The following SORCS1 variants were observed in gnomAD, a reference collection of about 807,000 sequenced individuals.
The protein encoded by SORCS1 is sortilin related VPS10 domain containing receptor 1.
Under a neutral mutation model 146.1 loss-of-function variants are expected in SORCS1, and 60 were observed. The observed-to-expected ratio is 0.41, with a 90% CI of 0.33 to 0.51. The LOEUF (loss-of-function observed/expected upper bound fraction) is 0.51. Among genes scored for constraint, SORCS1 ranks in the 20% least tolerant of loss-of-function variants. The pLI is 0.21. For synonymous variants in SORCS1, 637 were observed against 584.0 expected (o/e 1.09, Z -1.31); for missense variants, 1,352 against 1,487.6 (o/e 0.91, Z 1.50).
chr10:106,976,418 G>T (rs1369889934), intron 1 of SORCS1, among the ~76,000 whole-genome samples: 1 of 142,662 alleles, frequency 7.0e-6, no homozygotes, highest in African/African-American at 2.6e-5. Context: ...TGCAAGCTCC[G>T]CCTCCCGGGT....
chr10:106,685,875 A>G (rs1187511874), intron 10 of SORCS1, among the ~76,000 whole-genome samples: 1 of 152,220 alleles, frequency 6.6e-6, no homozygotes, highest in African/African-American at 2.4e-5. Context: ...TTTACACACA[A>G]TTTTAAAAAA....
intron 1 of SORCS1, among the ~76,000 whole-genome samples, chr10:107,018,331 C>G (rs370663782): frequency 5.3e-4 from 80 of 152,174 alleles, no homozygotes; most frequent in African/African-American, 1.9e-3. Context: ...CCCGCCACCA[C>G]GCCTGGCTAA....
chr10:106,793,099 C>T (rs1052155240), intron 3 of SORCS1, among the ~76,000 whole-genome samples: 2 of 152,082 alleles, frequency 1.3e-5, no homozygotes, highest in East Asian at 3.9e-4. Context: ...GATAACACCA[C>T]AAAAATAACA....
intron 2 of SORCS1, among the ~76,000 whole-genome samples, chr10:106,920,625 T>C (rs1952667275): frequency 1.3e-5 from 2 of 152,206 alleles, no homozygotes; most frequent in Non-Finnish European, 2.9e-5. Flanking sequence ...TAATGGAGTT[T>C]CTTGACTCAA....
intron 9 of SORCS1, among the ~76,000 whole-genome samples, chr10:106,695,766 G>C (rs1489913036): frequency 1.3e-5 from 2 of 152,006 alleles, no homozygotes; most frequent in East Asian, 3.9e-4. Flanking sequence ...AACTTTCCTG[G>C]CTCTCATTTC....
intron 1 of SORCS1, among the ~76,000 whole-genome samples, chr10:107,087,759 T>C (rs1321490031): frequency 1.3e-5 from 2 of 152,206 alleles, no homozygotes; most frequent in African/African-American, 2.4e-5. Flanking sequence ...GTGGCAAAGA[T>C]GGAATTAATA....
At chr10:106,944,876 T>G (rs1431584476) in intron 2 of SORCS1, among the ~76,000 whole-genome samples, 3 of 67,874 alleles carry the variant, frequency 4.4e-5, no homozygotes, top group Non-Finnish European at 7.4e-5. Flanking sequence ...AGAGCCTTCT[T>G]TTTTTTTTTT....
chr10:107,010,113 C>CTTG (rs1217178732), intron 1 of SORCS1, among the ~76,000 whole-genome samples: 3 of 152,184 alleles, frequency 2.0e-5, no homozygotes, highest in Non-Finnish European at 4.4e-5. Flanking sequence ...AACAGTCATC[C>CTTG]ACAACACCTG....
chr10:107,064,706 C>T (rs932939543), intron 1 of SORCS1, among the ~76,000 whole-genome samples: 1 of 152,152 alleles, frequency 6.6e-6, no homozygotes, highest in Admixed American at 6.5e-5. Flanking sequence ...TGTTGATAAA[C>T]TGTGTTATAT....
At chr10:106,799,324 G>A (rs1171668517) in intron 3 of SORCS1, among the ~76,000 whole-genome samples, 1 of 152,160 alleles carries the variant, frequency 6.6e-6, no homozygotes, top group Non-Finnish European at 1.5e-5. Context: ...GCATGGGCAA[G>A]CACTTCATGT....
chr10:106,692,731 C>T (rs1853392612), intron 9 of SORCS1, among the ~76,000 whole-genome samples: 1 of 152,010 alleles, frequency 6.6e-6, no homozygotes, highest in Non-Finnish European at 1.5e-5. Flanking sequence ...CAAAATGCTC[C>T]AAAACTTGGA....
At chr10:106,862,136 G>C (rs1950036310) in intron 2 of SORCS1, among the ~76,000 whole-genome samples, 2 of 152,274 alleles carry the variant, frequency 1.3e-5, no homozygotes, top group South Asian at 4.1e-4. Flanking sequence ...AAGAATTCCA[G>C]TATCAGGGAG....
intron 1 of SORCS1, among the ~76,000 whole-genome samples, chr10:107,046,460 A>T (rs1358241554): frequency 1.3e-5 from 2 of 152,050 alleles, no homozygotes; most frequent in African/African-American, 2.4e-5. Flanking sequence ...TACTAATAAT[A>T]TATCTATATA....
At chr10:106,901,584 C>A (rs909745587) in intron 2 of SORCS1, among the ~76,000 whole-genome samples, 5 of 152,256 alleles carry the variant, frequency 3.3e-5, no homozygotes, top group African/African-American at 1.2e-4. Context: ...AAGGCATGTG[C>A]CACTATGCCT....
At chr10:106,814,166 T>C (rs1947618996) in intron 3 of SORCS1, among the ~76,000 whole-genome samples, 1 of 152,220 alleles carries the variant, frequency 6.6e-6, no homozygotes, top group Admixed American at 6.5e-5. Context: ...GCATCAAGCT[T>C]ATCCTGTAAA....
intron 3 of SORCS1, among the ~76,000 whole-genome samples, chr10:106,806,359 C>A (rs1947171580): frequency 8.5e-6 from 1 of 117,330 alleles, no homozygotes; most frequent in African/African-American, 2.9e-5. Context: ...CAGAGTGAGA[C>A]TCCTCCTCAA....
At chr10:107,127,650 C>T (rs1228585564) in intron 1 of SORCS1, among the ~76,000 whole-genome samples, 1 of 152,156 alleles carries the variant, frequency 6.6e-6, no homozygotes, top group African/African-American at 2.4e-5. Context: ...TTTTGCATCA[C>T]CTCACTTGTG....
At chr10:107,087,259 A>C (rs1963831918) in intron 1 of SORCS1, among the ~76,000 whole-genome samples, 1 of 152,152 alleles carries the variant, frequency 6.6e-6, no homozygotes, top group African/African-American at 2.4e-5. Flanking sequence ...ATGGAGCCTT[A>C]TCAGAGGGGT....
intron 1 of SORCS1, among the ~76,000 whole-genome samples, chr10:107,063,669 T>C (rs1961454872): frequency 6.6e-6 from 1 of 152,216 alleles, no homozygotes; most frequent in Non-Finnish European, 1.5e-5. Context: ...AGCCTGGTTA[T>C]TTGAGTTTTC....
Sources: allele counts gnomAD v4.1 joint callset (sites outside exome capture counted in the v4.1 genomes callset), GRCh38; gene constraint gnomAD v4.1.1; transcripts MANE v1.5; gene names NCBI Gene and HGNC (gene_info 2026-07-23, HGNC 2026-07-21).